Variants in VPS13B observed in about 807,000 individuals in gnomAD.
The protein encoded by VPS13B is vacuolar protein sorting 13 homolog B.
Under a neutral mutation model 426.4 loss-of-function variants are expected in VPS13B, and 285 were observed. That is an observed-to-expected ratio of 0.67 (90% CI 0.61 to 0.74). VPS13B has a LOEUF of 0.74. Ranked by LOEUF, VPS13B falls within the 30% of genes least tolerant of loss-of-function variation. The pLI is 0.00. For synonymous variants in VPS13B, 1,676 were observed against 1,676.4 expected (o/e 1.00, Z 0.01); for missense variants, 4,537 against 4,782.6 (o/e 0.95, Z 1.51).
At chr8:99,338,770 T>G (rs1811071227) in intron 19 of VPS13B, among the ~76,000 whole-genome samples, 1 of 152,176 alleles carries the variant, frequency 6.6e-6, no homozygotes, top group Non-Finnish European at 1.5e-5. Flanking sequence ...ATTCTTATAA[T>G]TTTTATTAAT....
intron 39 of VPS13B, among the ~76,000 whole-genome samples, chr8:99,725,878 A>G (rs1833326969): frequency 6.6e-6 from 1 of 152,146 alleles, no homozygotes; most frequent in African/African-American, 2.4e-5. Flanking sequence ...TGCTCCCTTA[A>G]ACAGTAGCTA....
At chr8:99,557,818 T>C (rs754319080) in intron 31 of VPS13B, among the ~76,000 whole-genome samples, 18 of 152,276 alleles carry the variant, frequency 1.2e-4, no homozygotes, top group East Asian at 1.9e-4. Flanking sequence ...ATCGGAGAAA[T>C]AGGTAGAATC....
chr8:99,773,342 C>T (rs1174522903), intron 40 of VPS13B, among the ~76,000 whole-genome samples: 1 of 152,156 alleles, frequency 6.6e-6, no homozygotes, highest in African/African-American at 2.4e-5. Flanking sequence ...ATGTCTTAAT[C>T]TCTATGCTAT....
chr8:99,718,064 ATT>A (rs1004030955), intron 37 of VPS13B, among the ~76,000 whole-genome samples: 2 of 145,130 alleles, frequency 1.4e-5, no homozygotes. Flanking sequence ...GCCGGGTTGA[ATT>A]TTTTTTTTTT....
At chr8:99,308,792 C>T (rs1354480770) in intron 19 of VPS13B, among the ~76,000 whole-genome samples, 1 of 152,162 alleles carries the variant, frequency 6.6e-6, no homozygotes. Context: ...TTTACAGTGC[C>T]ACCAACAGTG....
chr8:99,660,068 A>G (rs1830164941), intron 34 of VPS13B, among the ~76,000 whole-genome samples: 1 of 152,212 alleles, frequency 6.6e-6, no homozygotes, highest in Non-Finnish European at 1.5e-5. Flanking sequence ...TATGAAATGG[A>G]TCTACTATGC....
At chr8:99,604,136 G>A (rs944429013) in intron 33 of VPS13B, among the ~76,000 whole-genome samples, 4 of 151,958 alleles carry the variant, frequency 2.6e-5, no homozygotes, top group East Asian at 1.9e-4. Context: ...CTAATAAATC[G>A]CTTAAGAGTT....
intron 34 of VPS13B, among the ~76,000 whole-genome samples, chr8:99,654,250 G>C (rs1035487745): frequency 1.7e-4 from 26 of 151,010 alleles, no homozygotes; most frequent in African/African-American, 6.1e-4. Context: ...GGGTTTCACT[G>C]TGTTAGCAAG....
At chr8:99,725,093 A>G (rs1833285970) in intron 39 of VPS13B, among the ~76,000 whole-genome samples, 1 of 152,192 alleles carries the variant, frequency 6.6e-6, no homozygotes, top group Admixed American at 6.5e-5. Context: ...AGCCTTTCCT[A>G]GATGCCATGT....
At chr8:99,434,074 C>A (rs1298770296) in intron 22 of VPS13B, among the ~76,000 whole-genome samples, 1 of 152,088 alleles carries the variant, frequency 6.6e-6, no homozygotes, top group African/African-American at 2.4e-5. Flanking sequence ...TCCCAAAATG[C>A]TGAGATTACA....
chr8:99,098,330 T>C (rs1033671810), intron 4 of VPS13B, among the ~76,000 whole-genome samples: 6 of 151,880 alleles, frequency 4.0e-5, no homozygotes, highest in Admixed American at 3.3e-4. Flanking sequence ...TTTTAGAGAG[T>C]CTTTTCTTCC....
intron 19 of VPS13B, among the ~76,000 whole-genome samples, chr8:99,334,612 C>T (rs1001306157): frequency 2.0e-5 from 3 of 152,104 alleles, no homozygotes; most frequent in Non-Finnish European, 2.9e-5. Flanking sequence ...TTGAGATAAT[C>T]ATGTGGTTTT....
chr8:99,123,380 A>G (rs1848044907), intron 8 of VPS13B, among the ~76,000 whole-genome samples: 1 of 151,770 alleles, frequency 6.6e-6, no homozygotes, highest in African/African-American at 2.4e-5. Flanking sequence ...CAGTAGTGTC[A>G]TGAGATATCA....
intron 28 of VPS13B, chr8:99,507,624 C>T: frequency 1.7e-6 from 2 of 1,210,382 alleles, no homozygotes; most frequent in Non-Finnish European, 2.4e-6. Context: ...AGAAGATGGT[C>T]CAGGCAGAGG....
At chr8:99,327,878 G>A (rs574543157) in intron 19 of VPS13B, among the ~76,000 whole-genome samples, 1 of 152,068 alleles carries the variant, frequency 6.6e-6, no homozygotes, top group South Asian at 2.1e-4. Flanking sequence ...GATTTATAAT[G>A]TAACAGAATA....
intron 3 of VPS13B, among the ~76,000 whole-genome samples, chr8:99,048,708 AG>A (rs1345580012): frequency 6.6e-6 from 1 of 151,648 alleles, no homozygotes; most frequent in African/African-American, 2.4e-5. Context: ...CCAGCCACTC[AG>A]GGGGCTGAGG....
intron 55 of VPS13B, among the ~76,000 whole-genome samples, chr8:99,849,739 A>C (rs1016395774): frequency 6.6e-6 from 1 of 152,180 alleles, no homozygotes; most frequent in East Asian, 1.9e-4. Flanking sequence ...TTCAAAGTAA[A>C]AATGCCCATC....
chr8:99,370,196 T>C (rs763021913), intron 19 of VPS13B, among the ~76,000 whole-genome samples: 10 of 152,264 alleles, frequency 6.6e-5, no homozygotes, highest in Non-Finnish European at 8.8e-5. Flanking sequence ...TGGTCTCTGA[T>C]ATGACCTTGC....
intron 35 of VPS13B, among the ~76,000 whole-genome samples, chr8:99,687,441 C>T (rs1831461764): frequency 6.6e-6 from 1 of 151,952 alleles, no homozygotes; most frequent in Admixed American, 6.6e-5. Context: ...GCCTAGACTG[C>T]CTTTCAGGTT....
Sources: allele counts gnomAD v4.1 joint callset (sites outside exome capture counted in the v4.1 genomes callset), GRCh38; gene constraint gnomAD v4.1.1; transcripts MANE v1.5; gene names NCBI Gene and HGNC (gene_info 2026-07-23, HGNC 2026-07-21).